Variants in SCAI observed in about 807,000 individuals in gnomAD.
SCAI encodes the protein protein SCAI.
A neutral mutation model predicts 92.2 loss-of-function variants in SCAI; 24 were observed. The ratio of observed to expected loss-of-function variants is 0.26; its 90% confidence interval spans 0.19 to 0.37. SCAI has a LOEUF of 0.37. Ranked by LOEUF, SCAI falls within the 10% of genes least tolerant of loss-of-function variation. The pLI is 1.00. For synonymous variants in SCAI, 261 were observed against 258.6 expected (o/e 1.01, Z -0.09); for missense variants, 450 against 736.2 (o/e 0.61, Z 4.50).
intron 2 of SCAI, among the ~76,000 whole-genome samples, chr9:125,110,874 C>T (rs1302605650): frequency 1.3e-5 from 2 of 152,180 alleles, no homozygotes; most frequent in Admixed American, 6.5e-5. Context: ...TGAGTAAAAG[C>T]GCCCTGAGGC....
intron 11 of SCAI, 120 bp downstream of exon 11, chr9:125,002,994 G>A: frequency 1.6e-6 from 1 of 640,650 alleles, no homozygotes; most frequent in Non-Finnish European, 2.8e-6. Context: ...TTACTCTAAA[G>A]GCAGTTTTTC....
rs571892320 is a variant in SCAI, at chr9:125,035,869, G to A, written c.231-6130C>T. Among the ~76,000 whole-genome samples, 245 of 152,300 alleles carry A rather than the reference G, an allele frequency of 1.6e-3. 1 individual carries two copies. Among genetic ancestry groups the A allele is most frequent in the African/African-American group, 5.7e-3 (237 of 41,584 alleles). Reference sequence around the variant, plus strand: ...GGCCAGGAGTTCGAGACCAGCATGGGCAACGAAGTGAGACCTTGTCTCTAC... The same window carrying A: ...GGCCAGGAGTTCGAGACCAGCATGGACAACGAAGTGAGACCTTGTCTCTAC... On this transcript the variant is annotated intron_variant, in intron 3 of 17. Coordinates refer to ENST00000336505, the MANE Select transcript of SCAI (RefSeq NM_001144877.3).
At chr9:125,130,654 C>T (rs542036669) in intron 2 of SCAI, among the ~76,000 whole-genome samples, 1 of 151,904 alleles carries the variant, frequency 6.6e-6, no homozygotes, top group South Asian at 2.1e-4. Context: ...GCTAGGACTA[C>T]AGCTGCACAC....
At chr9:125,024,378 C>T (rs1004725775) in intron 6 of SCAI, among the ~76,000 whole-genome samples, 4 of 151,528 alleles carry the variant, frequency 2.6e-5, no homozygotes, top group African/African-American at 7.3e-5. Context: ...CCGGTTCAAG[C>T]GATTCTCATG....
chr9:125,082,308 T>C (rs1275438952), intron 2 of SCAI, among the ~76,000 whole-genome samples: 3 of 152,190 alleles, frequency 2.0e-5, no homozygotes, highest in Non-Finnish European at 2.9e-5. Flanking sequence ...GACCTGAAGT[T>C]TGGGAACCTC....
At chr9:125,069,767 C>T (rs1194964877) in intron 2 of SCAI, among the ~76,000 whole-genome samples, 9 of 151,680 alleles carry the variant, frequency 5.9e-5, no homozygotes, top group South Asian at 2.1e-4. Context: ...GGATTACAGG[C>T]GCCCGCCACC....
intron 2 of SCAI, among the ~76,000 whole-genome samples, chr9:125,093,665 A>C (rs903731544): frequency 1.3e-5 from 2 of 150,884 alleles, no homozygotes; most frequent in African/African-American, 2.4e-5. Flanking sequence ...TCCCGGGTTC[A>C]AGCAATTCTC....
intron 2 of SCAI, among the ~76,000 whole-genome samples, chr9:125,107,558 G>A (rs1247167161): frequency 1.3e-5 from 2 of 152,170 alleles, no homozygotes; most frequent in African/African-American, 4.8e-5. Context: ...TTGAGCCCAG[G>A]AATTCAAGAG....
chr9:125,010,413 G>T (rs758369303), intron 9 of SCAI, among the ~76,000 whole-genome samples: 3 of 152,204 alleles, frequency 2.0e-5, no homozygotes, highest in African/African-American at 7.2e-5. Context: ...CTACACCCAC[G>T]GAGTCTCGCT....
intron 3 of SCAI, among the ~76,000 whole-genome samples, chr9:125,033,112 T>A (rs1227146028): frequency 1.3e-5 from 2 of 151,976 alleles, no homozygotes; most frequent in African/African-American, 4.8e-5. Flanking sequence ...AAGGGACACA[T>A]TGGCTACTCA....
chr9:125,019,146 T>C lies in SCAI; in HGVS notation c.669A>G (p.Glu223=). 4.4e-6 allele frequency: 7 copies of C among 1,605,256 alleles called. No homozygotes were observed. Among genetic ancestry groups the C allele is most frequent in the Non-Finnish European group, 5.9e-6 (7 of 1,176,972 alleles). ...CTACTTCTTGAAGCACCAAGTTCCATTCCACTTGATCTTCAGTATTAAATC... is the reference window on the plus strand; with the variant it reads ...CTACTTCTTGAAGCACCAAGTTCCACTCCACTTGATCTTCAGTATTAAATC... ...THRFNTEDQV[E]WNLVLQEVAA... Residue 223 remains glutamate, a synonymous_variant, in exon 8 of 18, where the codon GAA becomes GAG. Coordinates refer to ENST00000336505, the MANE Select transcript of SCAI (RefSeq NM_001144877.3).
intron 2 of SCAI, among the ~76,000 whole-genome samples, chr9:125,094,493 C>A (rs1158065780): frequency 1.3e-5 from 2 of 152,200 alleles, no homozygotes; most frequent in Non-Finnish European, 2.9e-5. Flanking sequence ...AAAACAGCAA[C>A]ACCCTTCCTT....
At chr9:125,011,686 A>G (rs774845924) in intron 9 of SCAI, among the ~76,000 whole-genome samples, 35 of 152,222 alleles carry the variant, frequency 2.3e-4, no homozygotes, top group Non-Finnish European at 4.3e-4. Context: ...AGAGAATGCC[A>G]CAAAGATATT....
rs780815483 is a variant in SCAI at position 124,983,693 on chromosome 9, T to C, written c.1327-7507A>G. Among the ~76,000 whole-genome samples the C allele has an allele frequency of 2.9e-4, 44 of 152,234 alleles. 1 individual carries two copies. Among genetic ancestry groups the C allele is most frequent in the Admixed American group, 2.0e-4 (3 of 15,278 alleles). ...TGGGGGATGGAGAAATGGTAGATTG[T>C]GACCCACAGTAAACTAACCAACTAA... is the stretch of plus-strand genomic sequence containing the variant. On this transcript the variant is annotated intron_variant, in intron 14 of 17. Coordinates refer to ENST00000336505, the MANE Select transcript of SCAI (RefSeq NM_001144877.3).
chr9:125,014,470 A>C (rs1227735964), intron 9 of SCAI, among the ~76,000 whole-genome samples: 1 of 152,234 alleles, frequency 6.6e-6, no homozygotes, highest in Non-Finnish European at 1.5e-5. Context: ...AATCCAACTT[A>C]CAAGGGATGT....
At chr9:124,957,831 C>T (rs1030755848) in intron 17 of SCAI, among the ~76,000 whole-genome samples, 2 of 151,958 alleles carry the variant, frequency 1.3e-5, no homozygotes, top group African/African-American at 2.4e-5. Context: ...TACAGGCACC[C>T]GCCACCACAC....
chr9:124,962,988 G>C (rs1831471046), intron 17 of SCAI, among the ~76,000 whole-genome samples: 1 of 151,022 alleles, frequency 6.6e-6, no homozygotes, highest in Non-Finnish European at 1.5e-5. Context: ...TAGTAGAGAT[G>C]GGGTTTCACC....
intron 17 of SCAI, among the ~76,000 whole-genome samples, chr9:124,963,144 T>C (rs111788967): frequency 2.0e-5 from 3 of 147,990 alleles, no homozygotes; most frequent in East Asian, 2.1e-4. Context: ...AAAAGAATTT[T>C]TTCCCCCCCG....
In SCAI at chr9:124,944,344, A is replaced by T. The variant is rs1303264037; in HGVS notation, c.*8463T>A. 1 of 149,418 alleles carries T rather than the reference A, an allele frequency of 6.7e-6. No individual in the cohort carries two copies. The highest frequency in any genetic ancestry group is 1.5e-5 in the Non-Finnish European group (1 of 67,506). The allele number at this position is 149,418 out of a possible 1,614,324, so 9.3% of individuals were successfully genotyped here. On this transcript the variant is annotated 3_prime_UTR_variant, in exon 18 of 18. Coordinates refer to ENST00000336505, the MANE Select transcript of SCAI (RefSeq NM_001144877.3). ...GAATGAGTCTTGCTCTGTCACCCAGACTGGAGTGCAATGGCACGATCTCGG... is the reference window on the plus strand; with the variant it reads ...GAATGAGTCTTGCTCTGTCACCCAGTCTGGAGTGCAATGGCACGATCTCGG...
Sources: gnomAD v4.1 joint callset for allele counts (sites outside exome capture counted in the v4.1 genomes callset) on GRCh38, gnomAD v4.1.1 for gene constraint, MANE v1.5 for transcripts, NCBI Gene and HGNC (gene_info 2026-07-23, HGNC 2026-07-21) for gene names.